MYO10: variants seen among roughly 807,000 people sequenced by gnomAD.
MYO10 encodes the protein unconventional myosin-X.
In MYO10, 133 loss-of-function variants were observed where a neutral mutation model predicts 257.3. That is an observed-to-expected ratio of 0.52 (90% confidence interval 0.45 to 0.60). The LOEUF is 0.60. MYO10 is among the 20% of genes least tolerant of loss of function. The pLI is 0.00. For synonymous variants in MYO10, 1,104 were observed against 1,028.6 expected, an observed-to-expected ratio of 1.07 and a Z score of -1.40; for missense variants, 2,399 against 2,635.7, an observed-to-expected ratio of 0.91 and a Z score of 1.97.
At chr5:16,823,674 G>A (rs551803612) in intron 2 of MYO10, among the ~76,000 whole-genome samples, 39 of 150,378 alleles carry the variant, frequency 2.6e-4, no homozygotes, top group African/African-American at 8.3e-4. Context: ...AGGTTTCACC[G>A]TGTTAGCCAG....
intron 19 of MYO10, among the ~76,000 whole-genome samples, chr5:16,739,809 A>C (rs181664608): frequency 4.4e-4 from 67 of 152,340 alleles, no homozygotes; most frequent in African/African-American, 1.5e-3. Context: ...CTGGCTGGTA[A>C]AATTATGGGT....
rs1441513783 is a variant in MYO10 at position 16,702,703 on chromosome 5, G to A, written c.2511-115C>T. ...AAAGACAGAAAGCATGAAAGACAGA[G>A]CCCCTTCCTCTGGCCATGGATTTAT... On this transcript the variant is annotated intron_variant, in intron 23 of 40. Transcript: ENST00000513610. The A allele has an allele frequency of 5.6e-6, 6 of 1,064,290 alleles. No individual in the cohort carries two copies. In the East Asian group the frequency reaches 1.3e-4, roughly 23 times the overall value. The allele number at this position is 1,064,290 out of a possible 1,614,324, so 65.9% of individuals were successfully genotyped here. A position where few individuals can be genotyped will look rare whatever the true frequency, so the allele number is the denominator to read the frequency against.
Position 16,675,959 on chromosome 5 carries a change from G to A in MYO10, c.4666+72C>T, listed in dbSNP as rs1006130303. 4.0e-6 allele frequency: 6 copies of A among 1,487,856 alleles called. No individual in the cohort carries two copies. The African/African-American group carries it at 8.6e-5, about 21-fold the overall frequency. 92.2% of individuals were successfully genotyped at this position (1,487,856 alleles called of 1,614,324 possible). ...TTGAGATAAAAACAAATGCTTCTGT[G>A]TTAAGCTAAAGAGTTAGCAGGGCAA... On this transcript the variant is annotated intron_variant, in intron 34 of 40. Coordinates refer to ENST00000513610, the MANE Select transcript of MYO10 (RefSeq NM_012334.3).
intron 2 of MYO10, among the ~76,000 whole-genome samples, chr5:16,857,398 A>C (rs983103315): frequency 2.0e-5 from 3 of 152,170 alleles, no homozygotes; most frequent in Non-Finnish European, 2.9e-5. Context: ...CTTTGGGAGG[A>C]AGACGGTGTA....
intron 2 of MYO10, among the ~76,000 whole-genome samples, chr5:16,848,000 T>C (rs1464707338): frequency 1.3e-5 from 2 of 152,096 alleles, no homozygotes; most frequent in Non-Finnish European, 2.9e-5. Context: ...TGATTAACAT[T>C]GGTAATAAGA....
Position 16,935,929 on chromosome 5 carries a change from G to A in MYO10, c.-121C>T. 1 of 1,218,728 alleles carries A rather than the reference G, an allele frequency of 8.2e-7. No homozygotes were observed. The allele number at this position is 1,218,728 out of a possible 1,614,324, so 75.5% of individuals were successfully genotyped here. A position where few individuals can be genotyped will look rare whatever the true frequency, so the allele number is the denominator to read the frequency against. ...ACTCCCGAGGACGCGCGCCCGCGGG[G>A]CTCCCCTGCTGCCATCGCCCGGTCC... On this transcript the variant is annotated 5_prime_UTR_variant, in exon 1 of 41. Coordinates refer to ENST00000513610, the MANE Select transcript of MYO10 (RefSeq NM_012334.3).
At position 16,663,548 on chromosome 5, in the gene MYO10, A is replaced by G. The variant is rs1369853311; in HGVS notation, c.*3144T>C. On this transcript the variant is annotated 3_prime_UTR_variant, in exon 41 of 41. Transcript: ENST00000513610. ...CAACCACAGATAGAAAATATTTGAA[A>G]AAACTTTTTTTGGTGGGGCACAGTG... The G allele has an allele frequency of 9.1e-6, 1 of 110,474 alleles. No individual in the cohort carries two copies. Among genetic ancestry groups the G allele is most frequent in the Non-Finnish European group, 1.9e-5 (1 of 51,700 alleles). 6.8% of individuals were successfully genotyped at this position (110,474 alleles called of 1,614,324 possible).
chr5:16,718,038 C>A (rs909156925), intron 19 of MYO10, among the ~76,000 whole-genome samples: 1 of 152,340 alleles, frequency 6.6e-6, no homozygotes, highest in African/African-American at 2.4e-5. Context: ...GTGGGCCCCG[C>A]ACTCGGAGCA....
intron 2 of MYO10, among the ~76,000 whole-genome samples, chr5:16,830,498 GA>G (rs753377649): frequency 2.1e-4 from 30 of 140,534 alleles, no homozygotes; most frequent in Admixed American, 2.8e-4. Context: ...AGTCTATCAA[GA>G]AAAAAAAAAA....
intron 1 of MYO10, among the ~76,000 whole-genome samples, chr5:16,903,055 T>C (rs1307526821): frequency 6.6e-6 from 1 of 152,232 alleles, no homozygotes; most frequent in Admixed American, 6.5e-5. Flanking sequence ...GCCTCTGTCC[T>C]AAACGCTTCA....
chr5:16,731,044 CT>C (rs907400094), intron 19 of MYO10, among the ~76,000 whole-genome samples: 4,814 of 136,888 alleles, frequency 0.035, 146 homozygotes, highest in East Asian at 0.11. Flanking sequence ...TCAAAACACA[CT>C]TTTTTTTTTT....
At chr5:16,748,448 T>C (rs1292292648) in intron 19 of MYO10, among the ~76,000 whole-genome samples, 1 of 152,032 alleles carries the variant, frequency 6.6e-6, no homozygotes, top group African/African-American at 2.4e-5. Context: ...TTTCACCACG[T>C]TGGCCAGGCT....
intron 1 of MYO10, among the ~76,000 whole-genome samples, chr5:16,881,111 T>C (rs1433441911): frequency 6.6e-6 from 1 of 152,214 alleles, no homozygotes; most frequent in African/African-American, 2.4e-5. Context: ...CCAGAACCCC[T>C]AGTCCAAAGC....
chr5:16,782,030 T>TGA (rs1172068164), intron 5 of MYO10, among the ~76,000 whole-genome samples: 2 of 152,210 alleles, frequency 1.3e-5, no homozygotes, highest in African/African-American at 2.4e-5. Flanking sequence ...TCCATCTTAG[T>TGA]GAGCGTAGCT....
At chr5:16,851,880 G>A (rs944941583) in intron 2 of MYO10, among the ~76,000 whole-genome samples, 4 of 151,688 alleles carry the variant, frequency 2.6e-5, no homozygotes, top group Non-Finnish European at 4.4e-5. Flanking sequence ...ATGAAACCCT[G>A]TCCGTACTAA....
chr5:16,688,656 C>G (rs1306186086), intron 28 of MYO10, among the ~76,000 whole-genome samples: 1 of 151,560 alleles, frequency 6.6e-6, no homozygotes, highest in East Asian at 1.9e-4. Context: ...AGGAGAATTG[C>G]TTGAACCTGG....
chr5:16,754,722 C>G, intron 19 of MYO10, 106 bp downstream of exon 19: 1 of 660,850 alleles, frequency 1.5e-6, no homozygotes, highest in Non-Finnish European at 2.4e-6. Flanking sequence ...CCATTTCCAA[C>G]CATCTACAAT....
chr5:16,833,874 AGCAAC>A (rs1743228714), intron 2 of MYO10, among the ~76,000 whole-genome samples: 1 of 152,188 alleles, frequency 6.6e-6, no homozygotes, highest in South Asian at 2.1e-4. Context: ...GTACTGTGTA[AGCAAC>A]TCTGATATTT....
At chr5:16,767,374 C>G (rs956351651) in intron 10 of MYO10, among the ~76,000 whole-genome samples, 1 of 151,338 alleles carries the variant, frequency 6.6e-6, no homozygotes, top group African/African-American at 2.4e-5. Context: ...TTCACCGTAT[C>G]GGCCTGGCTG....
Sources: gnomAD v4.1 joint callset for allele counts (sites outside exome capture counted in the v4.1 genomes callset) on GRCh38, gnomAD v4.1.1 for gene constraint, MANE v1.5 for transcripts, NCBI Gene and HGNC (gene_info 2026-07-23, HGNC 2026-07-21) for gene names.